The following GRM7 variants were observed in gnomAD, a reference collection of about 807,000 sequenced individuals.
The protein encoded by GRM7 is metabotropic glutamate receptor 7.
A neutral mutation model predicts 84.5 loss-of-function variants in GRM7; 35 were observed. The ratio of observed to expected loss-of-function variants is 0.41; its 90% CI spans 0.32 to 0.55. The LOEUF (loss-of-function observed/expected upper bound fraction) is 0.55, where lower values mean the gene tolerates loss of function less well. GRM7 is among the 20% of genes least tolerant of loss of function. GRM7 has a pLI of 0.19. For missense variants in GRM7, 1,003 were observed against 1,194.6 expected (o/e 0.84, Z 2.36); for synonymous variants, 487 against 455.1 (o/e 1.07, Z -0.89).
intron 2 of GRM7, among the ~76,000 whole-genome samples, chr3:7,177,377 G>A (rs1424553832): frequency 1.3e-5 from 2 of 152,158 alleles, no homozygotes; most frequent in African/African-American, 4.8e-5. Context: ...TGAGGAATCA[G>A]TAATTATGTT....
chr3:7,622,971 TG>T (rs1364263378), intron 8 of GRM7, among the ~76,000 whole-genome samples: 1 of 152,108 alleles, frequency 6.6e-6, no homozygotes, highest in Admixed American at 6.6e-5. Context: ...AAGGTAACTA[TG>T]GGCGTCAACT....
intron 1 of GRM7, among the ~76,000 whole-genome samples, chr3:7,011,845 G>T (rs1695379757): frequency 6.6e-6 from 1 of 152,088 alleles, no homozygotes; most frequent in East Asian, 1.9e-4. Flanking sequence ...CAGTGGGAAA[G>T]GTATCATTTT....
At chr3:6,918,930 C>T (rs920975822) in intron 1 of GRM7, among the ~76,000 whole-genome samples, 5 of 152,106 alleles carry the variant, frequency 3.3e-5, no homozygotes, top group African/African-American at 4.8e-5. Context: ...AATGAGGGAA[C>T]ATATGGGATG....
chr3:7,474,698 T>C (rs1281404570), intron 7 of GRM7, among the ~76,000 whole-genome samples: 1 of 152,176 alleles, frequency 6.6e-6, no homozygotes. Flanking sequence ...AAATGTAGTA[T>C]CTGTCCTGCT....
intron 7 of GRM7, among the ~76,000 whole-genome samples, chr3:7,554,117 C>T (rs1431075852): frequency 1.3e-5 from 2 of 152,144 alleles, no homozygotes; most frequent in Non-Finnish European, 2.9e-5. Flanking sequence ...TTGCTAGATC[C>T]AGAAACATAA....
At chr3:7,055,151 G>A (rs187864146) in intron 1 of GRM7, among the ~76,000 whole-genome samples, 206 of 151,762 alleles carry the variant, frequency 1.4e-3, no homozygotes, top group Non-Finnish European at 2.3e-3. Context: ...TATTTCTAGC[G>A]TTCTAGTTAA....
chr3:7,683,194 T>C (rs1427068092), intron 9 of GRM7, among the ~76,000 whole-genome samples: 2 of 152,310 alleles, frequency 1.3e-5, no homozygotes, highest in Non-Finnish European at 2.9e-5. Flanking sequence ...AACGTATTAT[T>C]GCTTGTTTTG....
At chr3:6,875,186 T>G (rs1695256516) in intron 1 of GRM7, among the ~76,000 whole-genome samples, 1 of 152,230 alleles carries the variant, frequency 6.6e-6, no homozygotes, top group Non-Finnish European at 1.5e-5. Context: ...GTAGCTATTT[T>G]TTTAAATAGG....
chr3:7,676,233 A>C (rs75700555), intron 8 of GRM7, among the ~76,000 whole-genome samples: 1 of 152,244 alleles, frequency 6.6e-6, no homozygotes, highest in East Asian at 1.9e-4. Flanking sequence ...GTGAAAACTC[A>C]TAACTTCAGT....
chr3:7,653,179 C>A (rs1023354680), intron 8 of GRM7, among the ~76,000 whole-genome samples: 22 of 103,000 alleles, frequency 2.1e-4, no homozygotes, highest in Non-Finnish European at 3.2e-4. Flanking sequence ...CATACTATAT[C>A]CTTTTTTTTT....
chr3:7,089,360 G>C (rs192699946), intron 1 of GRM7, among the ~76,000 whole-genome samples: 26 of 152,240 alleles, frequency 1.7e-4, no homozygotes, highest in African/African-American at 6.3e-4. Flanking sequence ...GAGTTGTTTT[G>C]TATATCCAGT....
chr3:7,454,113 C>A (rs1202579505), intron 6 of GRM7, among the ~76,000 whole-genome samples: 1 of 149,454 alleles, frequency 6.7e-6, no homozygotes, highest in Non-Finnish European at 1.5e-5. Flanking sequence ...CTCTCTCTCT[C>A]TCTCTCTCTC....
At chr3:7,360,973 A>C (rs1272502315) in intron 4 of GRM7, among the ~76,000 whole-genome samples, 1 of 152,004 alleles carries the variant, frequency 6.6e-6, no homozygotes, top group Non-Finnish European at 1.5e-5. Context: ...AGGGGTTCTG[A>C]AATTCTCTGC....
At chr3:7,273,983 A>C (rs1698961002) in intron 2 of GRM7, among the ~76,000 whole-genome samples, 1 of 151,798 alleles carries the variant, frequency 6.6e-6, no homozygotes, top group East Asian at 1.9e-4. Context: ...TTAATGGAAC[A>C]TTTTATATGA....
chr3:7,292,783 C>CACTTTTGG (rs59359756), intron 2 of GRM7, among the ~76,000 whole-genome samples: 3,523 of 151,202 alleles, frequency 0.023, 136 homozygotes, highest in African/African-American at 0.08. Flanking sequence ...GTAATCCCAG[C>CACTTTTGG]ACTTTTGGGA....
At chr3:7,394,725 C>A (rs1695138660) in intron 4 of GRM7, among the ~76,000 whole-genome samples, 2 of 151,960 alleles carry the variant, frequency 1.3e-5, no homozygotes, top group Admixed American at 6.6e-5. Context: ...TGGTCTAGAC[C>A]TGAGTTTGAA....
At chr3:7,005,782 C>A (rs980045595) in intron 1 of GRM7, among the ~76,000 whole-genome samples, 3 of 152,174 alleles carry the variant, frequency 2.0e-5, no homozygotes, top group Non-Finnish European at 4.4e-5. Flanking sequence ...GGCACTCTCT[C>A]TATATTTCTG....
At chr3:7,613,700 C>T (rs1214822746) in intron 8 of GRM7, among the ~76,000 whole-genome samples, 1 of 152,146 alleles carries the variant, frequency 6.6e-6, no homozygotes, top group Non-Finnish European at 1.5e-5. Flanking sequence ...CTCTCTAAGG[C>T]CCCTTCCAGA....
At chr3:7,022,009 G>T (rs1695792667) in intron 1 of GRM7, among the ~76,000 whole-genome samples, 1 of 152,170 alleles carries the variant, frequency 6.6e-6, no homozygotes, top group Non-Finnish European at 1.5e-5. Context: ...TATAAAAGAA[G>T]ACTATAAAAT....
Sources: allele counts gnomAD v4.1 joint callset (sites outside exome capture counted in the v4.1 genomes callset), GRCh38; gene constraint gnomAD v4.1.1; transcripts MANE v1.5; gene names NCBI Gene and HGNC (gene_info 2026-07-23, HGNC 2026-07-21).